Variants in RDH13 observed in about 807,000 individuals in gnomAD.
RDH13 encodes retinol dehydrogenase 13 (all-trans and 9-cis).
Under a neutral mutation model 28.3 loss-of-function variants are expected in RDH13, and 35 were observed. The observed-to-expected ratio is 1.24, with a 90% CI of 0.95 to 1.64. The LOEUF (loss-of-function observed/expected upper bound fraction) is 1.64. RDH13 is among the 40% of genes most tolerant of loss of function. The pLI, the probability that RDH13 is intolerant of heterozygous loss-of-function variation, is 0.00. For missense variants in RDH13, 514 were observed against 446.3 expected (o/e 1.15, Z -1.37); for synonymous variants, 229 against 198.5 (o/e 1.15, Z -1.29).
chr19:55,047,280 G>A, intron 6 of RDH13, 107 bp downstream of exon 6: 1 of 1,498,528 alleles, frequency 6.7e-7, no homozygotes, highest in Non-Finnish European at 8.9e-7. Context: ...GCGAGGAGCA[G>A]GCATGAGGCC....
chr19:55,063,349 A>T (rs1032381542), upstream of RDH13: 2 of 349,270 alleles, frequency 5.7e-6, no homozygotes, highest in Non-Finnish European at 1.0e-5. Context: ...CACTTGCCGC[A>T]GCGTATAAGG....
chr19:55,066,632 CCTCT>C (rs151183680), upstream of RDH13, among the ~76,000 whole-genome samples: 9 of 147,106 alleles, frequency 6.1e-5, no homozygotes, highest in African/African-American at 1.0e-4. Context: ...CTCTTTCTCT[CCTCT>C]CTCTCTCCCT....
rs780009980 is a variant in RDH13 at position 55,048,469 on chromosome 19, G to A, written c.518C>T (p.Ser173Leu). Residue 173 changes from serine to leucine, a missense_variant, in exon 5 of 7, where the codon TCG (serine) becomes TTG (leucine). Transcript: ENST00000415061. ...ASAPSRIINL[S>L]SLAHVAGHID... Reference sequence around the variant, plus strand: ...GTGCCCAGCAACATGGGCCAGGGACGAGAGGTTGATGATCCGCGAAGGGGC... The same window carrying A: ...GTGCCCAGCAACATGGGCCAGGGACAAGAGGTTGATGATCCGCGAAGGGGC... 5.0e-6 allele frequency: 8 copies of A among 1,614,112 alleles called. No homozygotes were observed. Among genetic ancestry groups the A allele is most frequent in the Non-Finnish European group, 2.5e-6 (3 of 1,180,054 alleles).
Position 55,045,059 on chromosome 19 carries a change from A to C in RDH13, c.*15T>G, listed in dbSNP as rs111503357. The stretch of plus-strand genomic sequence containing the variant: ...TCTGGAGGCGCCATCCTGGCTTTCA[A>C]ATCTGCTCCAGAGGTTATCTGGGGA... On this transcript the variant is annotated 3_prime_UTR_variant, in exon 7 of 7. Transcript: ENST00000415061. The C allele has an allele frequency of 3.2e-6, 5 of 1,555,740 alleles. No individual in the cohort carries two copies. The highest frequency in any genetic ancestry group is 2.7e-5 in the African/African-American group (2 of 72,874).
intron 6 of RDH13, 122 bp from the exon 7 acceptor site, chr19:55,045,431 C>G: frequency 1.5e-6 from 1 of 675,334 alleles, no homozygotes; most frequent in Non-Finnish European, 2.5e-6. Flanking sequence ...TAGCCCTTTC[C>G]CCTTGGCTGC....
chr19:55,044,879 C>A lies in RDH13; in HGVS notation c.*195G>T, dbSNP rs2075151433. Reference sequence around the variant, plus strand: ...CTGCTGGCAGCAGAGCAGACGGAACCAGCCAGAGCCCAGGGCAGTGCTCAC... The same window carrying A: ...CTGCTGGCAGCAGAGCAGACGGAACAAGCCAGAGCCCAGGGCAGTGCTCAC... On this transcript the variant is annotated 3_prime_UTR_variant, in exon 7 of 7. Transcript: ENST00000415061. The A allele has an allele frequency of 1.7e-5, 9 of 530,064 alleles. No homozygotes were observed. Among genetic ancestry groups the A allele is most frequent in the Non-Finnish European group, 2.0e-5 (6 of 301,808 alleles). 32.8% of individuals were successfully genotyped at this position (530,064 alleles called of 1,614,324 possible).
At chr19:55,060,097 G>A (rs2075763255) in intron 1 of RDH13, among the ~76,000 whole-genome samples, 1 of 151,682 alleles carries the variant, frequency 6.6e-6, no homozygotes, top group Admixed American at 6.6e-5. Context: ...AGAAAGACCT[G>A]ACCGTCCCCC....
At chr19:55,049,266 CG>C (rs2075349472) in intron 3 of RDH13, among the ~76,000 whole-genome samples, 1 of 152,126 alleles carries the variant, frequency 6.6e-6, no homozygotes. Flanking sequence ...TCCTTCCTGC[CG>C]GAGCCCCGAG....
rs111427426 is a variant in RDH13 at position 55,052,063 on chromosome 19, CTTTTTTTT to C, written c.341-3308_341-3301del. On this transcript the variant is annotated intron_variant, in intron 3 of 6. Transcript: ENST00000415061. ...TTTGTTTATCTGGGAACTGCCTCAA[CTTTTTTTT>C]TTTTTTTTTTTTTTTGGACACAGGG... Among the ~76,000 whole-genome samples, 318 of 120,786 alleles carry C rather than the reference CTTTTTTTT, an allele frequency of 2.6e-3. 2 individuals carry two copies. The highest frequency in any genetic ancestry group is 7.5e-3 in the Admixed American group (84 of 11,202). 79.2% of individuals were successfully genotyped at this position (120,786 alleles called of 152,430 possible). A position where few individuals can be genotyped will look rare whatever the true frequency, so the allele number is the denominator to read the frequency against.
intron 3 of RDH13, among the ~76,000 whole-genome samples, chr19:55,050,030 C>A (rs982813832): frequency 6.6e-6 from 1 of 151,550 alleles, no homozygotes; most frequent in African/African-American, 2.4e-5. Flanking sequence ...CTATGTTGCC[C>A]AGGCTGGTCT....
intron 3 of RDH13, among the ~76,000 whole-genome samples, chr19:55,052,242 C>T (rs2075468500): frequency 6.6e-6 from 1 of 151,422 alleles, no homozygotes; most frequent in South Asian, 2.1e-4. Flanking sequence ...AACCCTGTCT[C>T]TACCTAAAAC....
rs199550400 is a variant in RDH13 at position 55,047,390 on chromosome 19, G to T, written c.757C>A (p.Leu253Ile). Residue 253 changes from leucine to isoleucine, a missense_variant, in exon 6 of 7, where the codon CTC (leucine) becomes ATC (isoleucine). Leu to Ile is a conservative substitution (Grantham distance 5, BLOSUM62 2). Coordinates refer to ENST00000415061, the MANE Select transcript of RDH13 (RefSeq NM_001145971.2). ...IHGSTFSSTT[L>I]GPIFWLLVKS... Reference sequence around the variant, plus strand: ...CCCAGGCTGGGAGGGGACTCACCGAGTGTGGTGCTGGAGAAGGTGGAGCCA... The same window carrying T: ...CCCAGGCTGGGAGGGGACTCACCGATTGTGGTGCTGGAGAAGGTGGAGCCA... 114 of 1,611,624 alleles carry T rather than the reference G, an allele frequency of 7.1e-5. No individual in the cohort carries two copies. Among genetic ancestry groups the T allele is most frequent in the Non-Finnish European group, 8.9e-5 (105 of 1,179,854 alleles).
At position 55,047,466 on chromosome 19, in the gene RDH13, G is replaced by A. The variant is rs766786633; in HGVS notation, c.681C>T (p.Ala227=). The part of the protein sequence containing the change: ...RLQGSGVTVN[A]LHPGVARTEL... ...CTGTCCTGGCCACGCCGGGGTGCAG[G>A]GCGTTGACAGTCACACCAGAGCCTG... is the stretch of plus-strand genomic sequence containing the variant. Residue 227 remains alanine (A), a synonymous_variant, in exon 6 of 7, where the codon GCC becomes GCT. Coordinates refer to ENST00000415061, the MANE Select transcript of RDH13 (RefSeq NM_001145971.2). 8 of 1,608,774 alleles carry A rather than the reference G, an allele frequency of 5.0e-6. No homozygotes were observed. The South Asian group carries it at 6.6e-5, about 13-fold the overall frequency.
chr19:55,055,444 G>T (rs1419130791), intron 3 of RDH13, among the ~76,000 whole-genome samples: 1 of 151,760 alleles, frequency 6.6e-6, no homozygotes, highest in Non-Finnish European at 1.5e-5. Context: ...GTGAGCCACT[G>T]TGCCCAGCCA....
chr19:55,050,933 C>T (rs1184041703), intron 3 of RDH13: 1 of 151,228 alleles, frequency 6.6e-6, no homozygotes, highest in Non-Finnish European at 1.5e-5. Flanking sequence ...AGGTTCAAAG[C>T]CTGGCTCCAC....
chr19:55,048,781 A>G lies in RDH13; in HGVS notation c.341-18T>C. ...CTCCTCCTCTGGAAGAGAGGGGTGG[A>G]GGAGGAGACATCCCGGTGAGGACAG... On this transcript the variant is annotated intron_variant, in intron 3 of 6. Transcript: ENST00000415061. 6.2e-7 allele frequency: 1 copy of G among 1,602,620 alleles called. No individual in the cohort carries two copies. Among genetic ancestry groups the G allele is most frequent in the East Asian group, 2.2e-5 (1 of 44,764 alleles).
At chr19:55,051,206 G>A (rs1384729649) in intron 3 of RDH13, among the ~76,000 whole-genome samples, 2 of 152,124 alleles carry the variant, frequency 1.3e-5, no homozygotes, top group Admixed American at 6.5e-5. Flanking sequence ...GAATCTACCC[G>A]TGACAGAGCT....
chr19:55,051,969 C>G (rs2075454631), intron 3 of RDH13, among the ~76,000 whole-genome samples: 1 of 151,380 alleles, frequency 6.6e-6, no homozygotes, highest in Non-Finnish European at 1.5e-5. Flanking sequence ...TGAGCTTAGG[C>G]AATTCGCCCA....
At chr19:55,045,343 T>A in intron 6 of RDH13, 34 bp from the exon 7 acceptor site, 1 of 1,538,782 alleles carries the variant, frequency 6.5e-7, no homozygotes, top group East Asian at 2.3e-5. Context: ...TAGTCCACAC[T>A]CGCTCAGAGA....
Sources: gnomAD v4.1 joint callset for allele counts (sites outside exome capture counted in the v4.1 genomes callset) on GRCh38, gnomAD v4.1.1 for gene constraint, MANE v1.5 for transcripts, NCBI Gene and HGNC (gene_info 2026-07-23, HGNC 2026-07-21) for gene names.